The following AMBP variants were observed in gnomAD, a reference collection of about 807,000 sequenced individuals.
AMBP encodes the protein alpha-1-microglobulin/bikunin precursor.
Under a neutral mutation model 46.3 loss-of-function variants are expected in AMBP, and 37 were observed. The ratio of observed to expected loss-of-function variants is 0.80; its 90% confidence interval spans 0.61 to 1.05. AMBP has a LOEUF of 1.05. Among genes scored for constraint, AMBP ranks in the 50% least tolerant of loss-of-function variants. The pLI, the probability that AMBP is intolerant of heterozygous loss-of-function variation, is 0.00. For synonymous variants in AMBP, 174 were observed against 175.9 expected, an observed-to-expected ratio of 0.99 and a Z score of 0.09; for missense variants, 475 against 461.2, an observed-to-expected ratio of 1.03 and a Z score of -0.27.
At chr9:114,068,808 T>TAAAAAAA (rs34177397) in intron 6 of AMBP, among the ~76,000 whole-genome samples, 1 of 97,130 alleles carries the variant, frequency 1.0e-5, no homozygotes, top group African/African-American at 4.1e-5. Flanking sequence ...GTGGTGAGAT[T>TAAAAAAA]AAAAAAAAAA....
intron 5 of AMBP, among the ~76,000 whole-genome samples, chr9:114,072,562 A>G (rs1846756024): frequency 6.6e-6 from 1 of 152,362 alleles, no homozygotes; most frequent in Admixed American, 6.5e-5. Context: ...ACCACTGGCC[A>G]CAGAGGTTTC....
intron 6 of AMBP, among the ~76,000 whole-genome samples, chr9:114,066,873 C>T (rs1846700390): frequency 2.0e-5 from 3 of 152,120 alleles, no homozygotes; most frequent in South Asian, 4.1e-4. Context: ...GAGAGATTTC[C>T]CTCAAACACA....
chr9:114,073,668 C>A (rs1197924296), intron 4 of AMBP, among the ~76,000 whole-genome samples: 2 of 151,908 alleles, frequency 1.3e-5, no homozygotes, highest in South Asian at 4.2e-4. Context: ...CCAGCTAATT[C>A]TTTAATTTTT....
rs76337067 is a variant in AMBP at position 114,074,074 on chromosome 9, C to A, written c.416G>T (p.Ser139Ile). ...AGTAATGGTGGGTCCATGATGGCGG[C>A]TGAATTTCTTGGTCAGGAAAATGGC... ...EYAIFLTKKFSRHHGPTITAK... is the reference protein window; with the variant it reads ...EYAIFLTKKFIRHHGPTITAK... The change falls in exon 4 of 10, where the codon AGC becomes ATC. Residue 139 changes from serine (S) to isoleucine (I), a missense_variant. Ser to Ile is a moderately radical substitution (Grantham distance 142). Around this residue, in one of 3 missense-constraint regions of AMBP, gnomAD observed 3 missense variants for 16.9 expected, o/e 0.18. Transcript: ENST00000265132. 1 of 1,614,020 alleles carries A rather than the reference C, an allele frequency of 6.2e-7. No individual in the cohort carries two copies. Among genetic ancestry groups the A allele is most frequent in the African/African-American group, 1.3e-5 (1 of 74,900 alleles).
At chr9:114,077,871 C>T (rs1004818290) in intron 1 of AMBP, among the ~76,000 whole-genome samples, 2 of 152,206 alleles carry the variant, frequency 1.3e-5, no homozygotes, top group Non-Finnish European at 2.9e-5. Flanking sequence ...TTGGAGCCCA[C>T]GAGGACAGTG....
At chr9:114,069,275 G>C (rs1242372022) in intron 6 of AMBP, among the ~76,000 whole-genome samples, 4 of 152,144 alleles carry the variant, frequency 2.6e-5, no homozygotes, top group African/African-American at 9.7e-5. Context: ...GAAGCTGCTT[G>C]TTCTCAGGTT....
rs1200377122 is a variant in AMBP at position 114,060,936 on chromosome 9, A to G, written c.1016T>C (p.Val339Ala). The change falls in exon 9 of 10, where the codon GTC becomes GCC. Residue 339 changes from valine (V) to alanine (A), a missense_variant. Coordinates refer to ENST00000265132, the MANE Select transcript of AMBP (RefSeq NM_001633.4). ...SEKECREYCG[V>A]PGDGDEELLR... ...GCAGGGCTGCCTACCATCACCAGGG[A>G]CACCGCAGTACTCTCTGCACTCCTT... is the stretch of plus-strand genomic sequence containing the variant. 1 of 1,613,532 alleles carries G rather than the reference A, an allele frequency of 6.2e-7. No homozygotes were observed. The highest frequency in any genetic ancestry group is 8.5e-7 in the Non-Finnish European group (1 of 1,179,734).
Position 114,078,114 on chromosome 9 carries a change from C to A in AMBP, c.96G>T (p.Gln32His). ...VPTPPDNIQVQENFNISRIYG... is the reference protein window; with the variant it reads ...VPTPPDNIQVHENFNISRIYG... The stretch of plus-strand genomic sequence containing the variant: ...TTACCCGAGAGATATTGAAGTTTTC[C>A]TGCACTTGGATGTTGTCGGGCGGCG... Residue 32 changes from glutamine to histidine, a missense_variant, in exon 1 of 10, where the codon CAG becomes CAT. Transcript: ENST00000265132. The A allele has an allele frequency of 6.2e-7, 1 of 1,614,018 alleles. No individual in the cohort carries two copies. The highest frequency in any genetic ancestry group is 8.5e-7 in the Non-Finnish European group (1 of 1,180,036).
At chr9:114,074,901 A>T in intron 3 of AMBP, 59 bp downstream of exon 3, 1 of 1,447,914 alleles carries the variant, frequency 6.9e-7, no homozygotes, top group Non-Finnish European at 9.7e-7. Context: ...GGAGCTGAGG[A>T]CATCAAGGTA....
Position 114,061,002 on chromosome 9 carries a change from T to A in AMBP, c.950A>T (p.Tyr317Phe). The A allele has an allele frequency of 6.2e-7, 1 of 1,614,226 alleles. No homozygotes were observed. The highest frequency in any genetic ancestry group is 2.2e-5 in the East Asian group (1 of 44,876). ...AVKGKCVLFP[Y>F]GGCQGNGNKF... The stretch of plus-strand genomic sequence containing the variant: ...GTTCCCGTTGCCCTGGCAGCCCCCG[T>A]AGGGGAAGAGGACGCACTTCCCCTT... The change falls in exon 9 of 10, where the codon TAC becomes TTC. Residue 317 changes from tyrosine (Y) to phenylalanine (F), a missense_variant. Around this residue, in one of 3 missense-constraint regions of AMBP, gnomAD observed 293 missense variants for 276.9 expected, o/e 1.06. Transcript: ENST00000265132.
At position 114,060,968 on chromosome 9, in the gene AMBP, G is replaced by A. The variant is rs1846629285; in HGVS notation, c.984C>T (p.Tyr328=). The stretch of plus-strand genomic sequence containing the variant: ...AGTACTCTCTGCACTCCTTCTCTGA[G>A]TAGAACTTGTTCCCGTTGCCCTGGC... ...GGCQGNGNKF[Y]SEKECREYCG... The change falls in exon 9 of 10, where the codon TAC becomes TAT. Residue 328 remains tyrosine, a synonymous_variant. Coordinates refer to ENST00000265132, the MANE Select transcript of AMBP (RefSeq NM_001633.4). The A allele has an allele frequency of 3.1e-6, 5 of 1,614,254 alleles. No homozygotes were observed. In the East Asian group the frequency reaches 6.7e-5, roughly 22 times the overall value.
At position 114,078,172 on chromosome 9, in the gene AMBP, G is replaced by T. The variant is rs1286437092; in HGVS notation, c.38C>A (p.Ala13Asp). 6.2e-7 allele frequency: 1 copy of T among 1,613,342 alleles called. No individual in the cohort carries two copies. The highest frequency in any genetic ancestry group is 1.1e-5 in the South Asian group (1 of 91,078). Reference sequence around the variant, plus strand: ...AGGGCCAGCGCTCACCGCCAGGCAGGCGCTCAGCAGCAAGAGCAGGGCCCC... The same window carrying T: ...AGGGCCAGCGCTCACCGCCAGGCAGTCGCTCAGCAGCAAGAGCAGGGCCCC... ...SLGALLLLLS[A>D]CLAVSAGPVP... is the part of the protein sequence containing the mutation. The change falls in exon 1 of 10, where the codon GCC (alanine) becomes GAC (aspartate). Residue 13 changes from alanine (A) to aspartate (D), a missense_variant. By Grantham distance (126) the Ala-to-Asp change is moderately radical. This residue lies in a region of AMBP where 179 missense variants were observed against 167.4 expected (regional missense o/e 1.07). Transcript: ENST00000265132.
intron 6 of AMBP, among the ~76,000 whole-genome samples, chr9:114,064,641 C>T (rs1463811524): frequency 2.0e-5 from 3 of 150,360 alleles, no homozygotes; most frequent in Non-Finnish European, 3.0e-5. Flanking sequence ...TAGAGTTCTC[C>T]CCCCAATACC....
At chr9:114,073,506 T>G (rs1016258142) in intron 4 of AMBP, among the ~76,000 whole-genome samples, 3 of 150,314 alleles carry the variant, frequency 2.0e-5, no homozygotes, top group South Asian at 2.1e-4. Context: ...TTTTTTTTTT[T>G]TTTTTTTTTG....
intron 6 of AMBP, among the ~76,000 whole-genome samples, chr9:114,064,155 AT>A (rs1350842505): frequency 1.3e-5 from 2 of 152,240 alleles, no homozygotes; most frequent in African/African-American, 4.8e-5. Flanking sequence ...GCCGTATGAT[AT>A]AACCACAGAA....
rs1324758590 is a variant in AMBP at position 114,069,754 on chromosome 9, C to G, written c.557-9G>C. On this transcript the variant is annotated splice_polypyrimidine_tract_variant and intron_variant, in intron 5 of 9. Coordinates refer to ENST00000265132, the MANE Select transcript of AMBP (RefSeq NM_001633.4). ...CCCAGGGACACATTCACCTAGGTCA[C>G]AGAGCAGGAGAGAGGAGTGAATAAC... The G allele has an allele frequency of 1.2e-6, 2 of 1,614,008 alleles. No homozygotes were observed. Among genetic ancestry groups the G allele is most frequent in the African/African-American group, 2.7e-5 (2 of 74,916 alleles).
chr9:114,064,367 T>C lies in AMBP; in HGVS notation c.604-1609A>G, dbSNP rs147458277. ...CAATAAATAATTGCTAACATGGTTA[T>C]GTGATTTACTGGGAATATTTAGAAA... On this transcript the variant is annotated intron_variant, in intron 6 of 9. Coordinates refer to ENST00000265132, the MANE Select transcript of AMBP (RefSeq NM_001633.4). Among the ~76,000 whole-genome samples the C allele has an allele frequency of 3.0e-3, 451 of 152,272 alleles. 5 individuals are homozygous for C. The highest frequency in any genetic ancestry group is 9.7e-3 in the African/African-American group (402 of 41,544).
rs765895094 is a variant in AMBP at position 114,069,718 on chromosome 9, G to C, written c.584C>G (p.Pro195Arg). 2 of 1,613,840 alleles carry C rather than the reference G, an allele frequency of 1.2e-6. No individual in the cohort carries two copies. Among genetic ancestry groups the C allele is most frequent in the African/African-American group, 2.7e-5 (2 of 74,914 alleles). The change falls in exon 6 of 10, where the codon CCA (proline) becomes CGA (arginine). Residue 195 changes from proline to arginine, a missense_variant. Physicochemically the swap from Pro to Arg is moderately radical, Grantham distance 103 (BLOSUM62 -2). This residue lies in a region of AMBP where 293 missense variants were observed against 276.9 expected (regional missense o/e 1.06). Coordinates refer to ENST00000265132, the MANE Select transcript of AMBP (RefSeq NM_001633.4). ...ACTCACCGGGATTAAGATGGGCTCT[G>C]GTTCCTGCTCCCCAGGGACACATTC... is the stretch of plus-strand genomic sequence containing the variant. ...RGECVPGEQEPEPILIPRVRR... is the reference protein window; with the variant it reads ...RGECVPGEQEREPILIPRVRR...
chr9:114,067,240 G>A (rs528219676), intron 6 of AMBP, among the ~76,000 whole-genome samples: 9 of 151,788 alleles, frequency 5.9e-5, no homozygotes, highest in Admixed American at 5.3e-4. Flanking sequence ...GCCTGGCTCA[G>A]GATGTATATT....
Sources: gnomAD v4.1 joint callset for allele counts (sites outside exome capture counted in the v4.1 genomes callset) on GRCh38, gnomAD v4.1.1 for gene constraint, gnomAD v4.1.1 regional missense constraint, MANE v1.5 for transcripts, NCBI Gene and HGNC (gene_info 2026-07-23, HGNC 2026-07-21) for gene names.